OSBPL1A: variants seen among roughly 807,000 people sequenced by gnomAD.
OSBPL1A encodes oxysterol-binding protein-related protein 1.
In OSBPL1A, 80 loss-of-function variants were observed where a neutral mutation model predicts 137.1. The ratio of observed to expected loss-of-function variants is 0.58; its 90% CI spans 0.49 to 0.70. OSBPL1A has a LOEUF of 0.70. Among genes scored for constraint, OSBPL1A ranks in the 30% least tolerant of loss-of-function variants. The pLI is 0.00. For missense variants in OSBPL1A, 970 were observed against 1,129.4 expected (o/e 0.86, Z 2.02); for synonymous variants, 365 against 389.7 (o/e 0.94, Z 0.75).
intron 5 of OSBPL1A, among the ~76,000 whole-genome samples, chr18:24,337,306 G>C (rs905743295): frequency 6.6e-6 from 1 of 151,886 alleles, no homozygotes; most frequent in African/African-American, 2.4e-5. Context: ...ACCAGCCTGG[G>C]CAATATATTG....
chr18:24,187,849 GCCAGGAGGGATCCAAACA>G (rs2086790348), intron 18 of OSBPL1A, among the ~76,000 whole-genome samples: 1 of 152,154 alleles, frequency 6.6e-6, no homozygotes, highest in African/African-American at 2.4e-5. Flanking sequence ...TGAAGCCTGG[GCCAGGAGGGATCCAAACA>G]CCAGGATGGC....
Position 24,169,704 on chromosome 18 carries a change from C to T in OSBPL1A, c.2418+623G>A, listed in dbSNP as rs2086229454. 2.6e-5 allele frequency among the ~76,000 whole-genome samples: 4 copies of T among 152,100 alleles called. No individual in the cohort carries two copies. The South Asian group carries it at 8.3e-4, about 32-fold the overall frequency. On this transcript the variant is annotated intron_variant, in intron 24 of 27. Transcript: ENST00000319481. ...AATCCGTCCTCAAATATTTCCTGTC[C>T]AAAGAGGTGCAGTCCTCGAGCATTT...
At chr18:24,307,940 C>T (rs1312023296) in intron 13 of OSBPL1A, among the ~76,000 whole-genome samples, 1 of 147,250 alleles carries the variant, frequency 6.8e-6, no homozygotes, top group Non-Finnish European at 1.5e-5. Flanking sequence ...CAGACGTGCA[C>T]CACCATGCCT....
intron 17 of OSBPL1A, among the ~76,000 whole-genome samples, chr18:24,215,064 T>C (rs1409158931): frequency 6.6e-6 from 1 of 152,232 alleles, no homozygotes; most frequent in African/African-American, 2.4e-5. Context: ...GGTTCCTTCC[T>C]GCTCTGTGAT....
At chr18:24,250,083 C>A (rs944330703) in intron 15 of OSBPL1A, among the ~76,000 whole-genome samples, 1 of 152,042 alleles carries the variant, frequency 6.6e-6, no homozygotes, top group African/African-American at 2.4e-5. Flanking sequence ...CCAGCCATAG[C>A]AAGATAGGAT....
intron 14 of OSBPL1A, among the ~76,000 whole-genome samples, chr18:24,281,861 G>A (rs2089966509): frequency 1.3e-5 from 2 of 152,184 alleles, no homozygotes; most frequent in South Asian, 2.1e-4. Context: ...TAGGAACCTG[G>A]CCACACAGCA....
intron 17 of OSBPL1A, among the ~76,000 whole-genome samples, chr18:24,212,487 C>T (rs531057784): frequency 2.0e-5 from 3 of 152,288 alleles, no homozygotes; most frequent in African/African-American, 7.2e-5. Flanking sequence ...CCAACATACT[C>T]ATCTTTAGTA....
intron 15 of OSBPL1A, among the ~76,000 whole-genome samples, chr18:24,254,087 G>A (rs1021528674): frequency 6.6e-6 from 1 of 152,184 alleles, no homozygotes; most frequent in African/African-American, 2.4e-5. Flanking sequence ...GAAGCAAGAT[G>A]GAGTTGGTTA....
intron 1 of OSBPL1A, among the ~76,000 whole-genome samples, chr18:24,389,345 C>T (rs986694044): frequency 6.6e-6 from 1 of 152,160 alleles, no homozygotes; most frequent in African/African-American, 2.4e-5. Flanking sequence ...TTCTCTCCTC[C>T]AAGGTCCACT....
At position 24,163,056 on chromosome 18, in the gene OSBPL1A, A is replaced by T; in HGVS notation, c.*123T>A. 1.5e-6 allele frequency: 1 copy of T among 651,414 alleles called. No homozygotes were observed. The highest frequency in any genetic ancestry group is 3.0e-5 in the East Asian group (1 of 33,308). The allele number at this position is 651,414 out of a possible 1,614,324, so 40.4% of individuals were successfully genotyped here. ...TGCTTTTGTTGGGTGAAATGCAGTTATCTCATGAGTGTTTTTTCATTTTTT... is the reference window on the plus strand; with the variant it reads ...TGCTTTTGTTGGGTGAAATGCAGTTTTCTCATGAGTGTTTTTTCATTTTTT... On this transcript the variant is annotated 3_prime_UTR_variant, in exon 28 of 28. Transcript: ENST00000319481.
rs149706700 is a variant in OSBPL1A at position 24,333,869 on chromosome 18, T to G, written c.480+376A>C. Among the ~76,000 whole-genome samples, 1,007 of 152,302 alleles carry G rather than the reference T, an allele frequency of 6.6e-3. 9 individuals carry two copies. Among genetic ancestry groups the G allele is most frequent in the African/African-American group, 0.023 (938 of 41,570 alleles). On this transcript the variant is annotated intron_variant, in intron 6 of 27. Transcript: ENST00000319481. Reference sequence around the variant, plus strand: ...TACTGCTGATCAAAACTAGAAAAACTTATTCCTTTATAGGGTCCTATTTAT... The same window carrying G: ...TACTGCTGATCAAAACTAGAAAAACGTATTCCTTTATAGGGTCCTATTTAT...
intron 14 of OSBPL1A, among the ~76,000 whole-genome samples, chr18:24,301,088 C>T (rs2090391771): frequency 6.6e-6 from 1 of 152,230 alleles, no homozygotes; most frequent in Non-Finnish European, 1.5e-5. Flanking sequence ...ATTCAACTCT[C>T]CAATTCCATT....
At chr18:24,382,262 C>G (rs1906647205) in intron 1 of OSBPL1A, among the ~76,000 whole-genome samples, 2 of 147,774 alleles carry the variant, frequency 1.4e-5, no homozygotes, top group Admixed American at 1.4e-4. Context: ...AAAAATTTAG[C>G]CAGGCGTGGT....
At chr18:24,259,063 G>A (rs1441174765) in intron 15 of OSBPL1A, among the ~76,000 whole-genome samples, 2 of 151,046 alleles carry the variant, frequency 1.3e-5, no homozygotes, top group Non-Finnish European at 2.9e-5. Flanking sequence ...TTGGCCTCCC[G>A]AGTAGTGGGA....
At chr18:24,260,836 T>TTAAAAAAAAAA (rs2089429602) in intron 15 of OSBPL1A, among the ~76,000 whole-genome samples, 1 of 49,820 alleles carries the variant, frequency 2.0e-5, no homozygotes. Flanking sequence ...TTAAAAGAAC[T>TTAAAAAAAAAA]CAAAAAAAAA....
intron 1 of OSBPL1A, among the ~76,000 whole-genome samples, chr18:24,385,999 A>T (rs1906939856): frequency 6.6e-6 from 1 of 152,172 alleles, no homozygotes; most frequent in Admixed American, 6.5e-5. Flanking sequence ...GCTGGCGGGC[A>T]GGAAAGACGG....
intron 4 of OSBPL1A, among the ~76,000 whole-genome samples, chr18:24,355,399 G>C (rs1402120516): frequency 6.6e-6 from 1 of 151,902 alleles, no homozygotes; most frequent in Non-Finnish European, 1.5e-5. Context: ...CTACTTGGGA[G>C]GGTGAGGCAG....
chr18:24,168,283 A>G (rs1281377883), intron 24 of OSBPL1A, among the ~76,000 whole-genome samples: 3 of 152,166 alleles, frequency 2.0e-5, no homozygotes, highest in Non-Finnish European at 4.4e-5. Flanking sequence ...CTGGGGTGCT[A>G]GAGAAGCACC....
intron 15 of OSBPL1A, among the ~76,000 whole-genome samples, chr18:24,244,747 A>C (rs1459766041): frequency 6.6e-6 from 1 of 152,214 alleles, no homozygotes; most frequent in African/African-American, 2.4e-5. Context: ...CGCCAGCAAG[A>C]GAATGCAGAG....
Sources: gnomAD v4.1 joint callset for allele counts (sites outside exome capture counted in the v4.1 genomes callset) on GRCh38, gnomAD v4.1.1 for gene constraint, MANE v1.5 for transcripts, NCBI Gene and HGNC (gene_info 2026-07-23, HGNC 2026-07-21) for gene names.